The following TFB2M variants were observed in gnomAD, a reference collection of about 807,000 sequenced individuals.
TFB2M encodes the protein dimethyladenosine transferase 2, mitochondrial.
In TFB2M, 44 loss-of-function variants were observed where a neutral mutation model predicts 41.3. The ratio of observed to expected loss-of-function variants is 1.07; its 90% CI spans 0.84 to 1.37. TFB2M has a LOEUF of 1.37. Ranked by LOEUF, TFB2M falls within the 40% of genes most tolerant of loss-of-function variation. The probability of loss-of-function intolerance (pLI) is 0.00; values close to 1 mark genes in which losing one functional copy is unlikely to be tolerated. For synonymous variants in TFB2M, 188 were observed against 176.8 expected (o/e 1.06, Z -0.50); for missense variants, 496 against 490.2 (o/e 1.01, Z -0.11).
chr1:246,561,922 G>C (rs1231280323), intron 2 of TFB2M, among the ~76,000 whole-genome samples: 1 of 151,794 alleles, frequency 6.6e-6, no homozygotes, highest in Non-Finnish European at 1.5e-5. Flanking sequence ...CAGGATAAAA[G>C]TTATCTTCTC....
At chr1:246,565,645 G>A (rs532993382) in intron 1 of TFB2M, among the ~76,000 whole-genome samples, 181 bp downstream of exon 1, 1 of 152,196 alleles carries the variant, frequency 6.6e-6, no homozygotes, top group African/African-American at 2.4e-5. Flanking sequence ...CCGGTACGCG[G>A]AGGTTGCAGG....
At chr1:246,551,537 G>A (rs745721960) in intron 4 of TFB2M, among the ~76,000 whole-genome samples, 2 of 152,136 alleles carry the variant, frequency 1.3e-5, no homozygotes, top group African/African-American at 4.8e-5. Flanking sequence ...TGAGATGATC[G>A]TGCCTGTGAA....
intron 2 of TFB2M, 23 bp downstream of exon 2, chr1:246,564,323 A>C: frequency 6.2e-7 from 1 of 1,604,140 alleles, no homozygotes; most frequent in Non-Finnish European, 8.5e-7. Context: ...ACAATAACAT[A>C]CGTTGAGAAA....
chr1:246,548,754 A>C, intron 5 of TFB2M, 147 bp from the exon 6 acceptor site: 1 of 618,866 alleles, frequency 1.6e-6, no homozygotes, highest in Non-Finnish European at 2.7e-6. Flanking sequence ...TAGCTAAATA[A>C]TACACATCTC....
chr1:246,560,293 G>A (rs1659421636), intron 2 of TFB2M, among the ~76,000 whole-genome samples: 1 of 152,194 alleles, frequency 6.6e-6, no homozygotes, highest in Non-Finnish European at 1.5e-5. Flanking sequence ...CAGGTGTGGT[G>A]GCTCATGCTT....
intron 4 of TFB2M, 106 bp downstream of exon 4, chr1:246,556,467 A>G (rs2102988804): frequency 1.1e-6 from 1 of 871,602 alleles, no homozygotes; most frequent in East Asian, 2.9e-5. Context: ...AAACAATCTT[A>G]GACCCTCAAA....
At position 246,540,716 on chromosome 1, in the gene TFB2M, C is replaced by G. The variant is rs1248556871; in HGVS notation, c.*315G>C. Reference sequence around the variant, plus strand: ...TTCTAAGCTTAATAATGTACAGACTCTTGCTCTTCAAGAAGATGCAAAAAT... The same window carrying G: ...TTCTAAGCTTAATAATGTACAGACTGTTGCTCTTCAAGAAGATGCAAAAAT... On this transcript the variant is annotated 3_prime_UTR_variant, in exon 8 of 8. Coordinates refer to ENST00000366514, the MANE Select transcript of TFB2M (RefSeq NM_022366.3). 1 of 246,556 alleles carries G rather than the reference C, an allele frequency of 4.1e-6. No homozygotes were observed. Among genetic ancestry groups the G allele is most frequent in the Non-Finnish European group, 7.8e-6 (1 of 128,266 alleles). 15.3% of individuals were successfully genotyped at this position (246,556 alleles called of 1,614,324 possible). A position where few individuals can be genotyped will look rare whatever the true frequency, so the allele number is the denominator to read the frequency against.
intron 6 of TFB2M, among the ~76,000 whole-genome samples, chr1:246,546,267 A>C (rs1659016448): frequency 6.6e-6 from 1 of 151,030 alleles, no homozygotes; most frequent in Non-Finnish European, 1.5e-5. Flanking sequence ...AGCCGTGATT[A>C]TGCCACTGCA....
rs1450454624 is a variant in TFB2M at position 246,544,545 on chromosome 1, C to A, written c.995G>T (p.Ser332Ile). 1.9e-6 allele frequency: 3 copies of A among 1,608,172 alleles called. No homozygotes were observed. Among genetic ancestry groups the A allele is most frequent in the Non-Finnish European group, 2.5e-6 (3 of 1,178,650 alleles). ...CCGTAAGTGGTCTATTACAGTGGCG[C>A]TGCGCCTCCCAAAACAGTGCTTTAA... ...HLLKHCFGRR[S>I]ATVIDHLRSL... The change falls in exon 7 of 8, where the codon AGC becomes ATC. Residue 332 changes from serine (S) to isoleucine (I), a missense_variant. Coordinates refer to ENST00000366514, the MANE Select transcript of TFB2M (RefSeq NM_022366.3).
intron 6 of TFB2M, among the ~76,000 whole-genome samples, chr1:246,545,357 C>A (rs1364620160): frequency 1.3e-5 from 2 of 151,520 alleles, no homozygotes; most frequent in South Asian, 4.2e-4. Flanking sequence ...GGCAAAACCC[C>A]ATCTCTATAA....
At chr1:246,562,575 A>G (rs576770017) in intron 2 of TFB2M, among the ~76,000 whole-genome samples, 1 of 152,330 alleles carries the variant, frequency 6.6e-6, no homozygotes, top group South Asian at 2.1e-4. Context: ...GGTATACAAC[A>G]CGAAGATGAG....
chr1:246,550,114 A>G (rs931747421), intron 5 of TFB2M, among the ~76,000 whole-genome samples: 5 of 152,250 alleles, frequency 3.3e-5, no homozygotes, highest in Non-Finnish European at 7.3e-5. Context: ...ATACTAAGGG[A>G]ACAAGAAGAC....
intron 2 of TFB2M, among the ~76,000 whole-genome samples, chr1:246,558,061 T>A (rs775866168): frequency 4.2e-4 from 64 of 151,782 alleles, no homozygotes; most frequent in Non-Finnish European, 7.5e-4. Flanking sequence ...GAAGTAAAAA[T>A]CAATTAATAC....
chr1:246,544,655 C>T lies in TFB2M; in HGVS notation c.885G>A (p.Lys295=). ...GAGGAATCATTTGAATAAGATACAG[C>T]TTTTGTTGTAATTGGTCTAATAATT... ...RRELLDQLQQ[K]LYLIQMIPRQ... The change falls in exon 7 of 8, where the codon AAG becomes AAA. Residue 295 remains lysine (K), a synonymous_variant. Transcript: ENST00000366514. The T allele has an allele frequency of 6.3e-7, 1 of 1,599,788 alleles. No individual in the cohort carries two copies. The highest frequency in any genetic ancestry group is 8.5e-7 in the Non-Finnish European group (1 of 1,176,554).
chr1:246,562,249 T>A (rs1363484841), intron 2 of TFB2M, among the ~76,000 whole-genome samples: 1 of 152,186 alleles, frequency 6.6e-6, no homozygotes, highest in East Asian at 1.9e-4. Flanking sequence ...TAGAGAAATA[T>A]AAGTTTCCTA....
chr1:246,544,734 G>A, intron 6 of TFB2M, 53 bp from the exon 7 acceptor site: 1 of 1,488,914 alleles, frequency 6.7e-7, no homozygotes, highest in Non-Finnish European at 9.1e-7. Context: ...GCCAGAGTAA[G>A]ACATTGCTCA....
At chr1:246,557,163 T>C (rs951715419) in intron 3 of TFB2M, among the ~76,000 whole-genome samples, 5 of 151,918 alleles carry the variant, frequency 3.3e-5, no homozygotes, top group Admixed American at 6.6e-5. Context: ...TAATCCCAGC[T>C]ACTAGGGAGG....
At chr1:246,549,065 G>A (rs1659097863) in intron 5 of TFB2M, among the ~76,000 whole-genome samples, 1 of 152,190 alleles carries the variant, frequency 6.6e-6, no homozygotes, top group Non-Finnish European at 1.5e-5. Flanking sequence ...ACCAGGTGCT[G>A]TGGTTCATGC....
At chr1:246,544,974 T>A (rs1040540864) in intron 6 of TFB2M, among the ~76,000 whole-genome samples, 1 of 151,840 alleles carries the variant, frequency 6.6e-6, no homozygotes, top group Admixed American at 6.5e-5. Flanking sequence ...CCTGGCTAAT[T>A]TTTTGTATTT....
Sources: gnomAD v4.1 joint callset for allele counts (sites outside exome capture counted in the v4.1 genomes callset) on GRCh38, gnomAD v4.1.1 for gene constraint, MANE v1.5 for transcripts, NCBI Gene and HGNC (gene_info 2026-07-23, HGNC 2026-07-21) for gene names.